Variants in SEMA4D observed in about 807,000 individuals in gnomAD.
SEMA4D encodes the protein semaphorin 4D.
Under a neutral mutation model 74.8 loss-of-function variants are expected in SEMA4D, and 22 were observed. That is an observed-to-expected ratio of 0.29 (90% CI 0.21 to 0.42). The LOEUF (loss-of-function observed/expected upper bound fraction) is 0.42, where lower values mean the gene tolerates loss of function less well. Among genes scored for constraint, SEMA4D ranks in the 10% least tolerant of loss-of-function variants. The pLI is 1.00. For synonymous variants in SEMA4D, 445 were observed against 463.7 expected, an observed-to-expected ratio of 0.96 and a Z score of 0.52; for missense variants, 937 against 1,118.4, an observed-to-expected ratio of 0.84 and a Z score of 2.31.
chr9:89,491,298 C>T (rs1372473198), intron 1 of SEMA4D, among the ~76,000 whole-genome samples: 2 of 152,182 alleles, frequency 1.3e-5, no homozygotes, highest in Non-Finnish European at 1.5e-5. Flanking sequence ...GTCTGGGCAC[C>T]GTGGCTCACA....
rs1171456614 is a variant in SEMA4D at position 89,379,483 on chromosome 9, T to C, written c.1810A>G (p.Met604Val). ...LKAESPKYGL[M>V]GRKNLLIFNL... ...AAGATGAGCAAGTTTTTTCTGCCCA[T>C]AAGACCGTACTTGGGGCTCTCGGCC... The change falls in exon 16 of 16, where the codon ATG (methionine) becomes GTG (valine). Residue 604 changes from methionine to valine, a missense_variant. Met to Val is a conservative substitution (Grantham distance 21, BLOSUM62 1). Transcript: ENST00000422704. The C allele has an allele frequency of 6.2e-7, 1 of 1,614,044 alleles. No homozygotes were observed. The highest frequency in any genetic ancestry group is 1.7e-5 in the Admixed American group (1 of 60,008).
chr9:89,389,207 G>A (rs1272826112), intron 9 of SEMA4D, among the ~76,000 whole-genome samples, 160 bp from the exon 10 acceptor site: 1 of 152,118 alleles, frequency 6.6e-6, no homozygotes, highest in African/African-American at 2.4e-5. Context: ...TTATGTGAGT[G>A]GCCCGCAGCA....
intron 2 of SEMA4D, chr9:89,450,137 T>G: frequency 7.9e-7 from 1 of 1,262,112 alleles, no homozygotes; most frequent in Middle Eastern, 2.6e-4. Context: ...TGAAGCAGCA[T>G]GTCATCGATG....
chr9:89,455,762 G>C (rs1855782101), intron 2 of SEMA4D, 126 bp downstream of exon 2: 1 of 152,366 alleles, frequency 6.6e-6, no homozygotes, highest in African/African-American at 2.4e-5. Context: ...CACCTGCCTG[G>C]CAGGTCACAC....
At chr9:89,372,337 TG>T (rs1193164172), downstream of SEMA4D, among the ~76,000 whole-genome samples, 1 of 55,108 alleles carries the variant, frequency 1.8e-5, no homozygotes, top group Non-Finnish European at 3.3e-5. Context: ...GAGGTGTGTG[TG>T]GGGGGGTGTG....
At chr9:89,383,310 G>A (rs968429541) in intron 13 of SEMA4D, among the ~76,000 whole-genome samples, 3 of 152,154 alleles carry the variant, frequency 2.0e-5, no homozygotes, top group African/African-American at 4.8e-5. Context: ...CGACACACTC[G>A]ACATGGAAAA....
Position 89,370,631 on chromosome 9 carries a change from G to A in SEMA4D, c.1882+6202C>T, listed in dbSNP as rs946537344. Among the ~76,000 whole-genome samples, 21 of 149,610 alleles carry A rather than the reference G, an allele frequency of 1.4e-4. 1 individual carries two copies. The highest frequency in any genetic ancestry group is 8.5e-4 in the South Asian group (4 of 4,686). ...GTGTGTCTGGGATGTGTGTGGGGGG[G>A]TACAGTGCATGGCATGTGTGCGGTA... On this transcript the variant is annotated intron_variant, in intron 16 of 18. Transcript: ENST00000339861.
chr9:89,386,693 GT>G lies in SEMA4D; in HGVS notation c.1331-212del, dbSNP rs1838589891. 25 of 484,392 alleles carry G rather than the reference GT, an allele frequency of 5.2e-5. 1 individual carries two copies. The highest frequency in any genetic ancestry group is 4.7e-4 in the South Asian group (20 of 42,584). 30.0% of individuals were successfully genotyped at this position (484,392 alleles called of 1,614,324 possible). ...AACCCAAGTGTTATGGGTTATTCCA[GT>G]TTTTTTCCAAGGAAAATAAACTGTT... On this transcript the variant is annotated intron_variant, in intron 12 of 15. Transcript: ENST00000422704.
chr9:89,363,123 A>G (rs73502351), intron 18 of SEMA4D, among the ~76,000 whole-genome samples: 2,755 of 152,184 alleles, frequency 0.018, 73 homozygotes, highest in African/African-American at 0.063. Context: ...CTCTGTACAG[A>G]GAATGGGGTG....
Position 89,450,231 on chromosome 9 carries a change from G to T in SEMA4D, c.-244+5657C>A. Reference sequence around the variant, plus strand: ...TGAATTTGAGGTACATGAAGTATATGCTGTGGATGTTCTCATCAGCTCAGG... The same window carrying T: ...TGAATTTGAGGTACATGAAGTATATTCTGTGGATGTTCTCATCAGCTCAGG... On this transcript the variant is annotated intron_variant, in intron 2 of 15. Transcript: ENST00000422704. The T allele has an allele frequency of 2.5e-6, 3 of 1,220,844 alleles. No homozygotes were observed. In the South Asian group the frequency reaches 3.6e-5, roughly 15 times the overall value. 75.6% of individuals were successfully genotyped at this position (1,220,844 alleles called of 1,614,324 possible). A position where few individuals can be genotyped will look rare whatever the true frequency, so the allele number is the denominator to read the frequency against.
At position 89,379,961 on chromosome 9, in the gene SEMA4D, G is replaced by A. The variant is rs559952509; in HGVS notation, c.1664-332C>T. On this transcript the variant is annotated intron_variant, in intron 15 of 15. Transcript: ENST00000422704. The stretch of plus-strand genomic sequence containing the variant: ...CAGCTCTTTGAATCAGACACGAGAC[G>A]CTTCTGCTAATGGCTGCAAGGAAGA... Among the ~76,000 whole-genome samples the A allele has an allele frequency of 9.2e-5, 14 of 152,348 alleles. No homozygotes were observed. The East Asian group carries it at 9.6e-4, about 10-fold the overall frequency.
chr9:89,402,177 A>AT (rs1842350642), intron 4 of SEMA4D, among the ~76,000 whole-genome samples: 1 of 152,192 alleles, frequency 6.6e-6, no homozygotes, highest in Non-Finnish European at 1.5e-5. Context: ...CAAATTTTAA[A>AT]TTCGGTTTGA....
chr9:89,370,784 G>C (rs185792927), intron 16 of SEMA4D, among the ~76,000 whole-genome samples: 1 of 143,476 alleles, frequency 7.0e-6, no homozygotes, highest in African/African-American at 2.6e-5. Flanking sequence ...GTGTGGGGTG[G>C]GGTGTATGTG....
At chr9:89,385,910 G>A (rs1838357449) in intron 13 of SEMA4D, 2 of 956,492 alleles carry the variant, frequency 2.1e-6, no homozygotes, top group African/African-American at 4.4e-5. Context: ...GAGTATTGCA[G>A]GCCAGACCAG....
At chr9:89,405,950 A>C in intron 2 of SEMA4D, 1 of 1,145,174 alleles carries the variant, frequency 8.7e-7, no homozygotes, top group Non-Finnish European at 1.1e-6. Flanking sequence ...GGACAGACAC[A>C]TGGAGAGGAC....
chr9:89,448,730 TG>T (rs1484968240), intron 2 of SEMA4D, among the ~76,000 whole-genome samples: 1 of 152,190 alleles, frequency 6.6e-6, no homozygotes, highest in Non-Finnish European at 1.5e-5. Flanking sequence ...ATTGCCCACA[TG>T]TTCACTCTCT....
At chr9:89,420,539 C>T (rs1663342385) in intron 2 of SEMA4D, among the ~76,000 whole-genome samples, 1 of 152,238 alleles carries the variant, frequency 6.6e-6, no homozygotes, top group Admixed American at 6.5e-5. Flanking sequence ...CTCCAACGCC[C>T]AGGCCTTGCG....
chr9:89,438,964 C>A (rs1177955011), intron 2 of SEMA4D, among the ~76,000 whole-genome samples: 2 of 38,190 alleles, frequency 5.2e-5, no homozygotes, highest in Non-Finnish European at 4.4e-5. Context: ...CGCACCGGGC[C>A]TTTTTTTTTT....
At chr9:89,402,737 A>T in intron 4 of SEMA4D, 134 bp downstream of exon 4, 1 of 940,444 alleles carries the variant, frequency 1.1e-6, no homozygotes, top group Non-Finnish European at 1.6e-6. Context: ...GTGGACACCC[A>T]AAGATGGGGC....
Sources: allele counts gnomAD v4.1 joint callset (sites outside exome capture counted in the v4.1 genomes callset), GRCh38; gene constraint gnomAD v4.1.1; transcripts MANE v1.5; gene names NCBI Gene and HGNC (gene_info 2026-07-23, HGNC 2026-07-21).